The following ATP10A variants were observed in gnomAD, a reference collection of about 807,000 sequenced individuals.
The protein encoded by ATP10A is ATPase phospholipid transporting 10A (putative).
Under a neutral mutation model 147.8 loss-of-function variants are expected in ATP10A, and 111 were observed. That is an observed-to-expected ratio of 0.75 (90% CI 0.64 to 0.88). The LOEUF (loss-of-function observed/expected upper bound fraction) is 0.88. Ranked by LOEUF, ATP10A falls within the 40% of genes least tolerant of loss-of-function variation. The probability of loss-of-function intolerance (pLI) is 0.00; values close to 1 mark genes in which losing one functional copy is unlikely to be tolerated. For synonymous variants in ATP10A, 875 were observed against 841.6 expected, an observed-to-expected ratio of 1.04 and a Z score of -0.69; for missense variants, 1,927 against 1,959.0, an observed-to-expected ratio of 0.98 and a Z score of 0.31.
At chr15:25,702,146 C>G in intron 12 of ATP10A, 46 bp from the exon 13 acceptor site, 1 of 1,551,272 alleles carries the variant, frequency 6.4e-7, no homozygotes, top group Non-Finnish European at 8.8e-7. Flanking sequence ...TCTCACGTGC[C>G]CCCCAATCCT....
chr15:25,821,948 C>T (rs4304995), intron 1 of ATP10A, among the ~76,000 whole-genome samples: 147,192 of 152,230 alleles, frequency 0.97, 71,390 homozygotes, highest in East Asian at 1. Flanking sequence ...CCCTCCAGTA[C>T]GGAATCCTGT....
intron 13 of ATP10A, 134 bp from the exon 14 acceptor site, chr15:25,695,280 C>T (rs1262800579): frequency 1.0e-5 from 8 of 782,498 alleles, no homozygotes; most frequent in Non-Finnish European, 1.6e-5. Context: ...AGAGGCCACC[C>T]TCCAGAAACT....
chr15:25,745,636 A>C (rs578064910), intron 2 of ATP10A, among the ~76,000 whole-genome samples: 72 of 152,324 alleles, frequency 4.7e-4, no homozygotes, highest in African/African-American at 1.7e-3. Context: ...AGCAACAAAA[A>C]CGGTAAATAA....
Position 25,716,846 on chromosome 15 carries a change from G to A in ATP10A, c.1660C>T (p.Gln554Ter). ...CDKSLAVARH[Q>*]EHLLAHLSPE... ...GAGAGGTGGGCCAGCAGGTGCTCCTGATGCCTCGCCACGGCTAGGCTCTTG... is the reference window on the plus strand; with the variant it reads ...GAGAGGTGGGCCAGCAGGTGCTCCTAATGCCTCGCCACGGCTAGGCTCTTG... Residue 554 changes from glutamine (Q) to a stop codon, truncating the protein, a stop_gained, in exon 9 of 21, where the codon CAG becomes TAG. Coordinates refer to ENST00000555815, the MANE Select transcript of ATP10A (RefSeq NM_024490.4). LOFTEE classifies it high-confidence loss of function. 1 of 1,610,776 alleles carries A rather than the reference G, an allele frequency of 6.2e-7. No individual in the cohort carries two copies. Among genetic ancestry groups the A allele is most frequent in the Non-Finnish European group, 8.5e-7 (1 of 1,178,636 alleles).
At chr15:25,694,757 G>A (rs1900220085) in intron 14 of ATP10A, 62 bp downstream of exon 14, 2 of 1,426,614 alleles carry the variant, frequency 1.4e-6, no homozygotes, top group Admixed American at 2.0e-5. Context: ...GTGTAGCATG[G>A]AAGGGTAGAG....
intron 12 of ATP10A, among the ~76,000 whole-genome samples, chr15:25,707,775 A>G (rs1367723061): frequency 6.6e-6 from 1 of 152,166 alleles, no homozygotes; most frequent in Non-Finnish European, 1.5e-5. Context: ...CCTGGGGGGC[A>G]GCACGTGCAC....
intron 3 of ATP10A, among the ~76,000 whole-genome samples, chr15:25,728,291 A>C (rs2140452986): frequency 6.6e-6 from 1 of 152,352 alleles, no homozygotes; most frequent in Middle Eastern, 3.4e-3. Flanking sequence ...AGTAAAGGCA[A>C]GGCTGAAATG....
intron 1 of ATP10A, among the ~76,000 whole-genome samples, chr15:25,824,956 T>C (rs541096144): frequency 6.6e-6 from 1 of 151,628 alleles, no homozygotes; most frequent in African/African-American, 2.4e-5. Flanking sequence ...AGCCCAGGAG[T>C]CTGAGGTTGC....
intron 2 of ATP10A, among the ~76,000 whole-genome samples, chr15:25,750,524 A>C (rs1419831417): frequency 6.6e-6 from 1 of 152,184 alleles, no homozygotes; most frequent in African/African-American, 2.4e-5. Flanking sequence ...AGAGCACAGG[A>C]AAAGGCAACT....
chr15:25,763,013 C>A (rs1429901364), intron 2 of ATP10A, among the ~76,000 whole-genome samples: 2 of 151,940 alleles, frequency 1.3e-5, no homozygotes, highest in Non-Finnish European at 2.9e-5. Flanking sequence ...TTTTCCCAAA[C>A]TTTTGGTTTT....
intron 13 of ATP10A, 31 bp from the exon 14 acceptor site, chr15:25,695,177 C>A (rs761852831): frequency 1.3e-6 from 2 of 1,562,074 alleles, no homozygotes; most frequent in East Asian, 2.3e-5. Flanking sequence ...CAGCGCAGTT[C>A]CCTCAGAGTC....
At chr15:25,734,565 A>G (rs2140480935) in intron 3 of ATP10A, among the ~76,000 whole-genome samples, 1 of 152,314 alleles carries the variant, frequency 6.6e-6, no homozygotes, top group Middle Eastern at 3.4e-3. Flanking sequence ...GCAAGGGATC[A>G]AGGAGGCCTG....
In ATP10A at chr15:25,679,872, C is replaced by T. The variant is rs745618857; in HGVS notation, c.3969G>A (p.Glu1323=). ...KSPRRCSAPK[E]TFAQGRLPKD... The stretch of plus-strand genomic sequence containing the variant: ...TCGGGAGGCGTCCCTGAGCAAAGGT[C>T]TCTTTGGGAGCACTGCATCTCCTGG... Residue 1323 remains glutamate, a synonymous_variant, in exon 21 of 21, where the codon GAG becomes GAA. Transcript: ENST00000555815. 4.3e-6 allele frequency: 7 copies of T among 1,610,244 alleles called. No individual in the cohort carries two copies. The highest frequency in any genetic ancestry group is 5.9e-6 in the Non-Finnish European group (7 of 1,179,978).
At chr15:25,838,607 G>A (rs540600378) in intron 1 of ATP10A, among the ~76,000 whole-genome samples, 19 of 152,238 alleles carry the variant, frequency 1.2e-4, no homozygotes, top group African/African-American at 4.3e-4. Context: ...ATCCAGCAAC[G>A]GAGTGTTATT....
At chr15:25,768,569 G>A (rs1032092176) in intron 2 of ATP10A, among the ~76,000 whole-genome samples, 8 of 150,704 alleles carry the variant, frequency 5.3e-5, no homozygotes, top group African/African-American at 1.7e-4. Flanking sequence ...TTTGAGACAG[G>A]GTATCACTCT....
intron 2 of ATP10A, among the ~76,000 whole-genome samples, chr15:25,749,463 T>A (rs1888034667): frequency 6.6e-6 from 1 of 152,130 alleles, no homozygotes; most frequent in Non-Finnish European, 1.5e-5. Flanking sequence ...AAGTCTTGCC[T>A]CAGGAGTGGA....
intron 1 of ATP10A, among the ~76,000 whole-genome samples, chr15:25,802,547 A>G (rs1488406088): frequency 6.6e-6 from 1 of 152,190 alleles, no homozygotes; most frequent in Non-Finnish European, 1.5e-5. Context: ...ATTCCAACAC[A>G]GGGCCCACTC....
chr15:25,733,377 A>G lies in ATP10A; in HGVS notation c.740+2679T>C, dbSNP rs1887062041. Among the ~76,000 whole-genome samples the G allele has an allele frequency of 2.0e-5, 3 of 152,036 alleles. No homozygotes were observed. The South Asian group carries it at 6.2e-4, about 31-fold the overall frequency. Reference sequence around the variant, plus strand: ...GGGACGGATAGCGTTACCAGGCCCTACAGGAGGGAGGATTCCTGCCCGAGG... The same window carrying G: ...GGGACGGATAGCGTTACCAGGCCCTGCAGGAGGGAGGATTCCTGCCCGAGG... On this transcript the variant is annotated intron_variant, in intron 3 of 20. Transcript: ENST00000555815.
chr15:25,706,574 C>T (rs12900951), intron 12 of ATP10A, among the ~76,000 whole-genome samples: 38,348 of 152,128 alleles, frequency 0.25, 5,170 homozygotes, highest in Non-Finnish European at 0.3. Flanking sequence ...AGTCAGGGCT[C>T]CTGGGCTCTG....
Sources: gnomAD v4.1 joint callset for allele counts (sites outside exome capture counted in the v4.1 genomes callset) on GRCh38, gnomAD v4.1.1 for gene constraint, MANE v1.5 for transcripts, NCBI Gene and HGNC (gene_info 2026-07-23, HGNC 2026-07-21) for gene names.